PDGFC: variants seen among roughly 807,000 people sequenced by gnomAD.
PDGFC encodes platelet derived growth factor C, also known as platelet-derived growth factor C.
In PDGFC, 12 loss-of-function variants were observed where a neutral mutation model predicts 35.5. The ratio of observed to expected loss-of-function variants is 0.34; its 90% CI spans 0.22 to 0.55. PDGFC has a LOEUF of 0.55. Among genes scored for constraint, PDGFC ranks in the 20% least tolerant of loss-of-function variants. PDGFC has a pLI of 0.91. For synonymous variants in PDGFC, 159 were observed against 148.8 expected (o/e 1.07, Z -0.50); for missense variants, 322 against 412.4 (o/e 0.78, Z 1.90).
intron 3 of PDGFC, among the ~76,000 whole-genome samples, chr4:156,775,923 C>T (rs1202490698): frequency 6.6e-6 from 1 of 152,090 alleles, no homozygotes; most frequent in South Asian, 2.1e-4. Flanking sequence ...GAAGAATGAA[C>T]ATAAGTTCCC....
At chr4:156,830,843 G>T (rs1402175480) in intron 2 of PDGFC, among the ~76,000 whole-genome samples, 1 of 152,018 alleles carries the variant, frequency 6.6e-6, no homozygotes, top group Non-Finnish European at 1.5e-5. Flanking sequence ...ACTTCACTTG[G>T]CCCACTTCCA....
intron 1 of PDGFC, among the ~76,000 whole-genome samples, chr4:156,890,239 T>A (rs934558396): frequency 6.6e-6 from 1 of 151,928 alleles, no homozygotes; most frequent in African/African-American, 2.4e-5. Flanking sequence ...AAGAGATGCC[T>A]GAGCATTCAT....
chr4:156,854,933 T>C (rs550498965), intron 1 of PDGFC, among the ~76,000 whole-genome samples: 11 of 152,200 alleles, frequency 7.2e-5, no homozygotes, highest in African/African-American at 2.2e-4. Context: ...AATGAAAATA[T>C]GTATAAATAC....
chr4:156,846,911 T>A (rs1401974836), intron 2 of PDGFC, among the ~76,000 whole-genome samples: 1 of 151,838 alleles, frequency 6.6e-6, no homozygotes, highest in East Asian at 1.9e-4. Flanking sequence ...ATACTCAATA[T>A]TGACATGTTA....
intron 1 of PDGFC, among the ~76,000 whole-genome samples, chr4:156,894,149 T>G (rs1730577648): frequency 6.6e-6 from 1 of 152,216 alleles, no homozygotes; most frequent in Admixed American, 6.5e-5. Context: ...TCACTGTAAG[T>G]ATATTAGCAA....
intron 3 of PDGFC, among the ~76,000 whole-genome samples, chr4:156,801,681 T>A (rs957428845): frequency 5.9e-5 from 9 of 152,210 alleles, no homozygotes; most frequent in Non-Finnish European, 1.3e-4. Context: ...ATCTTTAATA[T>A]GCACATCAAT....
intron 1 of PDGFC, among the ~76,000 whole-genome samples, chr4:156,867,311 C>T (rs934875289): frequency 2.0e-5 from 3 of 152,078 alleles, no homozygotes; most frequent in East Asian, 1.9e-4. Context: ...ATTGAAGCCC[C>T]GGCCCTTTGC....
At chr4:156,959,146 G>C (rs1311127055) in intron 1 of PDGFC, among the ~76,000 whole-genome samples, 2 of 151,966 alleles carry the variant, frequency 1.3e-5, no homozygotes, top group African/African-American at 4.8e-5. Context: ...TGAGTTTCTA[G>C]CCATTTTTCA....
intron 1 of PDGFC, among the ~76,000 whole-genome samples, chr4:156,970,449 T>A (rs1732564763): frequency 6.6e-6 from 1 of 152,146 alleles, no homozygotes; most frequent in Admixed American, 6.5e-5. Flanking sequence ...GGCTCATTCA[T>A]TTTGGATTCG....
At chr4:156,867,686 G>T (rs530270019) in intron 1 of PDGFC, among the ~76,000 whole-genome samples, 2 of 152,250 alleles carry the variant, frequency 1.3e-5, no homozygotes, top group South Asian at 4.1e-4. Flanking sequence ...CATATTTTAA[G>T]TGACTTATCG....
At chr4:156,945,318 T>C (rs1354298069) in intron 1 of PDGFC, among the ~76,000 whole-genome samples, 11 of 136,114 alleles carry the variant, frequency 8.1e-5, no homozygotes, top group Non-Finnish European at 1.7e-4. Context: ...AAATTATATA[T>C]ATGTGTATAT....
intron 5 of PDGFC, 55 bp downstream of exon 5, chr4:156,767,718 T>A (rs1730578127): frequency 9.1e-7 from 1 of 1,096,906 alleles, no homozygotes; most frequent in Admixed American, 1.8e-5. Context: ...ATTCACTGTT[T>A]TGTTCTAAGA....
intron 1 of PDGFC, among the ~76,000 whole-genome samples, chr4:156,876,180 A>G (rs1049344068): frequency 8.5e-5 from 13 of 152,214 alleles, no homozygotes; most frequent in African/African-American, 3.1e-4. Context: ...AACTTAATGG[A>G]AAAGTATCTG....
chr4:156,911,976 C>T (rs923656101), intron 1 of PDGFC, among the ~76,000 whole-genome samples: 3 of 151,998 alleles, frequency 2.0e-5, no homozygotes, highest in Non-Finnish European at 4.4e-5. Flanking sequence ...AGTTAAGTGG[C>T]TTTGGTCAAG....
intron 1 of PDGFC, among the ~76,000 whole-genome samples, chr4:156,885,994 T>A (rs531105269): frequency 6.6e-6 from 1 of 152,312 alleles, no homozygotes; most frequent in Non-Finnish European, 1.5e-5. Flanking sequence ...CTTAGACTGA[T>A]ATTTAGTCTT....
chr4:156,770,627 C>G (rs1001977047), intron 4 of PDGFC: 1 of 151,796 alleles, frequency 6.6e-6, no homozygotes, highest in African/African-American at 2.4e-5. Context: ...GATTTTTTTC[C>G]TTTTCATAAT....
intron 1 of PDGFC, among the ~76,000 whole-genome samples, chr4:156,931,791 T>A (rs1316053228): frequency 6.6e-6 from 1 of 152,210 alleles, no homozygotes; most frequent in Non-Finnish European, 1.5e-5. Flanking sequence ...TGCATGGATT[T>A]TAAACACTAC....
At chr4:156,949,543 A>C (rs1291613103) in intron 1 of PDGFC, among the ~76,000 whole-genome samples, 1 of 151,842 alleles carries the variant, frequency 6.6e-6, no homozygotes, top group Non-Finnish European at 1.5e-5. Context: ...ATGAAGGGTT[A>C]AGAGGTTACA....
intron 2 of PDGFC, among the ~76,000 whole-genome samples, chr4:156,834,805 T>C (rs547524639): frequency 3.3e-5 from 5 of 152,138 alleles, no homozygotes; most frequent in South Asian, 4.1e-4. Flanking sequence ...TTATGGGTAA[T>C]AGAAAGCCCT....
Sources: allele counts gnomAD v4.1 joint callset (sites outside exome capture counted in the v4.1 genomes callset), GRCh38; gene constraint gnomAD v4.1.1; transcripts MANE v1.5; gene names NCBI Gene and HGNC (gene_info 2026-07-23, HGNC 2026-07-21).